ELK3: variants seen among roughly 807,000 people sequenced by gnomAD.
ELK3 encodes ETS domain-containing protein Elk-3.
A neutral mutation model predicts 28.9 loss-of-function variants in ELK3; 10 were observed. That is an observed-to-expected ratio of 0.35 (90% confidence interval 0.21 to 0.59). The LOEUF is 0.59. Ranked by LOEUF, ELK3 falls within the 20% of genes least tolerant of loss-of-function variation. The probability of loss-of-function intolerance (pLI) is 0.82; values close to 1 mark genes in which losing one functional copy is unlikely to be tolerated. For missense variants in ELK3, 463 were observed against 517.3 expected, an observed-to-expected ratio of 0.90 and a Z score of 1.02; for synonymous variants, 272 against 243.5, an observed-to-expected ratio of 1.12 and a Z score of -1.09.
intron 3 of ELK3, among the ~76,000 whole-genome samples, chr12:96,253,192 G>A (rs1951920969): frequency 1.3e-5 from 2 of 152,154 alleles, no homozygotes; most frequent in African/African-American, 4.8e-5. Flanking sequence ...CCTGGGAGGT[G>A]GAGGTTGTGA....
chr12:96,209,135 C>A (rs771544386), intron 1 of ELK3, among the ~76,000 whole-genome samples: 1 of 152,202 alleles, frequency 6.6e-6, no homozygotes, highest in African/African-American at 2.4e-5. Context: ...ACAGGGCAGA[C>A]GTGATGTTAA....
rs1360134538 is a variant in ELK3 at position 96,267,786 on chromosome 12, AAT to A, written c.*607_*608del. 2.0e-5 allele frequency: 3 copies of A among 152,490 alleles called. No individual in the cohort carries two copies. The highest frequency in any genetic ancestry group is 4.4e-5 in the Non-Finnish European group (3 of 68,022). The allele number at this position is 152,490 out of a possible 1,614,324, so 9.4% of individuals were successfully genotyped here. On this transcript the variant is annotated 3_prime_UTR_variant, in exon 5 of 5. Coordinates refer to ENST00000228741, the MANE Select transcript of ELK3 (RefSeq NM_005230.4). ...ACTGAAATTCAGTAAATGTCCAAGT[AAT>A]GTTTTTATAATAAACTAAGCCATAT...
Position 96,267,290 on chromosome 12 carries a change from T to C in ELK3, c.*110T>C. On this transcript the variant is annotated 3_prime_UTR_variant, in exon 5 of 5. Coordinates refer to ENST00000228741, the MANE Select transcript of ELK3 (RefSeq NM_005230.4). ...CATTGTGAAACTCTTGTTAATTTGG[T>C]TTGCACTTTTCATAACATGGATAGT... is the stretch of plus-strand genomic sequence containing the variant. 1.1e-6 allele frequency: 1 copy of C among 927,880 alleles called. No homozygotes were observed. The highest frequency in any genetic ancestry group is 1.8e-5 in the South Asian group (1 of 54,852). The allele number at this position is 927,880 out of a possible 1,614,324, so 57.5% of individuals were successfully genotyped here.
chr12:96,195,510 T>C (rs1272012965), intron 1 of ELK3, among the ~76,000 whole-genome samples: 2 of 152,150 alleles, frequency 1.3e-5, no homozygotes, highest in Non-Finnish European at 2.9e-5. Context: ...GGGATTAAGA[T>C]TTTGGAGTAG....
chr12:96,254,922 C>T (rs928179649), intron 3 of ELK3, among the ~76,000 whole-genome samples: 14 of 151,710 alleles, frequency 9.2e-5, no homozygotes, highest in African/African-American at 2.9e-4. Context: ...GGCATAGATA[C>T]GTGAAATAGC....
At chr12:96,230,156 T>C (rs1378371522) in intron 2 of ELK3, among the ~76,000 whole-genome samples, 1 of 152,202 alleles carries the variant, frequency 6.6e-6, no homozygotes, top group Non-Finnish European at 1.5e-5. Flanking sequence ...CTTACTATTA[T>C]ATTGCAGTTG....
intron 2 of ELK3, among the ~76,000 whole-genome samples, chr12:96,239,258 A>G (rs1951803977): frequency 6.6e-6 from 1 of 152,196 alleles, no homozygotes; most frequent in South Asian, 2.1e-4. Context: ...ACAGTAGAAA[A>G]CATATAAATA....
At chr12:96,216,846 C>T (rs1319067409) in intron 1 of ELK3, among the ~76,000 whole-genome samples, 1 of 152,204 alleles carries the variant, frequency 6.6e-6, no homozygotes, top group East Asian at 1.9e-4. Flanking sequence ...CCCAAAGTCC[C>T]ACAACCAGAC....
intron 2 of ELK3, 112 bp downstream of exon 2, chr12:96,223,885 T>C (rs1289116140): frequency 1.4e-5 from 15 of 1,095,194 alleles, no homozygotes; most frequent in Admixed American, 4.2e-5. Context: ...GAAAATAAAA[T>C]AGGGGCAGTG....
chr12:96,221,747 T>C (rs138279134), intron 1 of ELK3, among the ~76,000 whole-genome samples: 227 of 152,258 alleles, frequency 1.5e-3, no homozygotes, highest in Admixed American at 3.7e-3. Flanking sequence ...CAGAGGTGGT[T>C]TTGACCCAGC....
chr12:96,240,236 G>C (rs1286904746), intron 2 of ELK3, among the ~76,000 whole-genome samples: 3 of 152,138 alleles, frequency 2.0e-5, no homozygotes, highest in Non-Finnish European at 4.4e-5. Flanking sequence ...AAAGCTAGCA[G>C]AATATGCGCA....
Position 96,216,748 on chromosome 12 carries a change from C to A in ELK3, c.-2-6817C>A, listed in dbSNP as rs75577208. On this transcript the variant is annotated intron_variant, in intron 1 of 4. Coordinates refer to ENST00000228741, the MANE Select transcript of ELK3 (RefSeq NM_005230.4). The stretch of plus-strand genomic sequence containing the variant: ...TTATTAGTAACTTCTGTAACTCTTA[C>A]AACAACCCTGTATGATATGATACTT... 7.9e-5 allele frequency among the ~76,000 whole-genome samples: 12 copies of A among 152,320 alleles called. No homozygotes were observed. The East Asian group carries it at 2.1e-3, about 27-fold the overall frequency.
rs1355026577 is a variant in ELK3 at position 96,250,717 on chromosome 12, C to G, written c.1002+2983C>G. Among the ~76,000 whole-genome samples, 17 of 152,280 alleles carry G rather than the reference C, an allele frequency of 1.1e-4. 1 individual carries two copies. The highest frequency in any genetic ancestry group is 5.2e-4 in the Admixed American group (8 of 15,292). On this transcript the variant is annotated intron_variant, in intron 3 of 4. Coordinates refer to ENST00000228741, the MANE Select transcript of ELK3 (RefSeq NM_005230.4). ...TTTGTCACAGAAACTCTCCTTTTCT[C>G]TGTGTGTGGGGGGTGTGCTGTGTGC...
chr12:96,211,388 G>C (rs1951576762), intron 1 of ELK3, among the ~76,000 whole-genome samples: 1 of 151,878 alleles, frequency 6.6e-6, no homozygotes, highest in Non-Finnish European at 1.5e-5. Context: ...TGTGTATTTT[G>C]TATAGCTGTA....
chr12:96,211,055 T>A (rs1240277578), intron 1 of ELK3, among the ~76,000 whole-genome samples: 1 of 152,186 alleles, frequency 6.6e-6, no homozygotes, highest in Non-Finnish European at 1.5e-5. Flanking sequence ...GCCATGAGTG[T>A]CTTATTTCAC....
At chr12:96,236,737 A>C (rs763360060) in intron 2 of ELK3, among the ~76,000 whole-genome samples, 1 of 152,236 alleles carries the variant, frequency 6.6e-6, no homozygotes, top group African/African-American at 2.4e-5. Context: ...CTCGCTGAAC[A>C]GAGACAATTT....
intron 2 of ELK3, among the ~76,000 whole-genome samples, chr12:96,228,680 C>T (rs1951721663): frequency 1.3e-5 from 2 of 152,318 alleles, no homozygotes; most frequent in South Asian, 2.1e-4. Flanking sequence ...GACTCTCCCT[C>T]ACCGCTCTGA....
At chr12:96,253,078 T>C (rs1427179078) in intron 3 of ELK3, among the ~76,000 whole-genome samples, 1 of 152,166 alleles carries the variant, frequency 6.6e-6, no homozygotes, top group Non-Finnish European at 1.5e-5. Flanking sequence ...CTGGCCAACA[T>C]GGCAAAACCC....
chr12:96,197,780 C>G (rs1353441163), intron 1 of ELK3, among the ~76,000 whole-genome samples: 1 of 152,158 alleles, frequency 6.6e-6, no homozygotes, highest in Non-Finnish European at 1.5e-5. Context: ...TAAAGACCTC[C>G]TCTTTTTCTT....
Sources: gnomAD v4.1 joint callset for allele counts (sites outside exome capture counted in the v4.1 genomes callset) on GRCh38, gnomAD v4.1.1 for gene constraint, MANE v1.5 for transcripts, NCBI Gene and HGNC (gene_info 2026-07-23, HGNC 2026-07-21) for gene names.